The following ATP5MJ variants were observed in gnomAD, a reference collection of about 807,000 sequenced individuals.
The protein encoded by ATP5MJ is ATP synthase F(0) complex subunit j, mitochondrial.
ATP5MJ carries 4 observed loss-of-function variants against 8.3 expected under a neutral mutation model. The observed-to-expected ratio is 0.48, with a 90% CI of 0.24 to 1.11. The LOEUF (loss-of-function observed/expected upper bound fraction) is 1.11, where lower values mean the gene tolerates loss of function less well. ATP5MJ is among the 50% of genes least tolerant of loss of function. The pLI, the probability that ATP5MJ is intolerant of heterozygous loss-of-function variation, is 0.18. For missense variants in ATP5MJ, 66 were observed against 71.8 expected (o/e 0.92, Z 0.29); for synonymous variants, 23 against 21.3 (o/e 1.08, Z -0.23).
At chr14:103,913,584 C>G in intron 3 of ATP5MJ, 2 of 334,810 alleles carry the variant, frequency 6.0e-6, no homozygotes. Flanking sequence ...GCAGTCCAGC[C>G]TGGGCGACAG....
rs201065575 is a variant in ATP5MJ at position 103,915,089 on chromosome 14, A to G, written c.101T>C (p.Ile34Thr). The change falls in exon 2 of 4, where the codon ATC becomes ACC. Residue 34 changes from isoleucine (I) to threonine (T), a missense_variant. Transcript: ENST00000286953. ...ACCAGCAGCCCGGATTTTATAAACG[A>G]TGAAGCCCATCAGCCCCATTCCTAT... ...IWIGMGLMGF[I>T]VYKIRAADKR... The G allele has an allele frequency of 6.8e-5, 109 of 1,614,014 alleles. No individual in the cohort carries two copies. Among genetic ancestry groups the G allele is most frequent in the Admixed American group, 2.0e-4 (12 of 59,974 alleles).
chr14:103,914,537 C>T (rs371310123), intron 2 of ATP5MJ: 98 of 690,784 alleles, frequency 1.4e-4, no homozygotes, highest in South Asian at 1.3e-3. Context: ...TTGTGGCTCA[C>T]GCTTGTTAAT....
At position 103,919,578 on chromosome 14, in the gene ATP5MJ, A is replaced by C. The variant is rs549275019; in HGVS notation, c.-1+1892T>G. Among the ~76,000 whole-genome samples the C allele has an allele frequency of 2.0e-4, 31 of 152,202 alleles. No homozygotes were observed. The South Asian group carries it at 3.9e-3, about 19-fold the overall frequency. On this transcript the variant is annotated intron_variant, in intron 1 of 3. Transcript: ENST00000286953. ...GGTAAGATGAGGGTCTATAAGGAAAAGGGCAAAGTAAACTGGGAGGGTACA... is the reference window on the plus strand; with the variant it reads ...GGTAAGATGAGGGTCTATAAGGAAACGGGCAAAGTAAACTGGGAGGGTACA...
intron 3 of ATP5MJ, chr14:103,912,923 G>C: frequency 3.8e-6 from 2 of 523,054 alleles, no homozygotes; most frequent in Non-Finnish European, 3.4e-6. Context: ...AAAGAGAGAG[G>C]CAGGGAAACA....
chr14:103,915,601 G>C (rs1054668127), intron 1 of ATP5MJ, among the ~76,000 whole-genome samples: 1 of 151,868 alleles, frequency 6.6e-6, no homozygotes, highest in East Asian at 1.9e-4. Context: ...CCTTGCTTTG[G>C]CCTCCCAAAG....
chr14:103,920,909 T>C (rs1424796605), intron 1 of ATP5MJ: 2 of 1,501,480 alleles, frequency 1.3e-6, no homozygotes, highest in East Asian at 4.9e-5. Flanking sequence ...CTGCAAAGTT[T>C]TGGCACATTA....
At chr14:103,914,652 C>T in intron 2 of ATP5MJ, 3 of 503,934 alleles carry the variant, frequency 6.0e-6, no homozygotes, top group Non-Finnish European at 1.1e-5. Flanking sequence ...AAAAAAAGTA[C>T]AAAAAAAAAA....
chr14:103,914,845 A>AAAAAAAG (rs2087611146), intron 2 of ATP5MJ: 14 of 436,834 alleles, frequency 3.2e-5, no homozygotes, highest in Non-Finnish European at 3.9e-5. Context: ...TCCAAAAAAA[A>AAAAAAAG]AAAAAAAAAA....
Position 103,915,195 on chromosome 14 carries a change from A to T in ATP5MJ, c.1-6T>A. 6.2e-7 allele frequency: 1 copy of T among 1,610,294 alleles called. No individual in the cohort carries two copies. The highest frequency in any genetic ancestry group is 8.5e-7 in the Non-Finnish European group (1 of 1,178,182). ...TTAATAATACTTTGAAGCATCTGAA[A>T]ATGAACACAGTGATTAAAAATTAGA... On this transcript the variant is annotated splice_polypyrimidine_tract_variant and splice_region_variant and intron_variant, in intron 1 of 3. Coordinates refer to ENST00000286953, the MANE Select transcript of ATP5MJ (RefSeq NM_004894.3).
chr14:103,920,456 C>T (rs112091599), intron 1 of ATP5MJ, among the ~76,000 whole-genome samples: 3,321 of 142,660 alleles, frequency 0.023, 71 homozygotes, highest in East Asian at 0.066. Flanking sequence ...CATAATAAAA[C>T]GACAGCCCCT....
chr14:103,920,912 G>C lies in ATP5MJ; in HGVS notation c.-1+558C>G, dbSNP rs745942049. ...ATCCACTTAAGTCTGCAAAGTTTTG[G>C]CACATTACATTAAGGGCGAACTATT... On this transcript the variant is annotated intron_variant, in intron 1 of 3. Transcript: ENST00000286953. The C allele has an allele frequency of 1.2e-5, 18 of 1,510,526 alleles. No individual in the cohort carries two copies. The African/African-American group carries it at 1.8e-4, about 15-fold the overall frequency. The allele number at this position is 1,510,526 out of a possible 1,614,324, so 93.6% of individuals were successfully genotyped here.
At chr14:103,920,320 G>C (rs1319310153) in intron 1 of ATP5MJ, among the ~76,000 whole-genome samples, 1 of 142,244 alleles carries the variant, frequency 7.0e-6, no homozygotes, top group Non-Finnish European at 1.5e-5. Context: ...TTTTGGTAAA[G>C]ACGGGGTTTC....
chr14:103,912,734 G>A (rs373565314), intron 3 of ATP5MJ, 40 bp from the exon 4 acceptor site: 1 of 1,596,170 alleles, frequency 6.3e-7, no homozygotes. Context: ...ATTTAAGAAG[G>A]AAGGAACAAG....
intron 1 of ATP5MJ, among the ~76,000 whole-genome samples, chr14:103,918,763 C>T (rs1042021363): frequency 7.9e-5 from 12 of 152,060 alleles, no homozygotes; most frequent in African/African-American, 2.7e-4. Flanking sequence ...TAGCTCACGC[C>T]TGTAATTCCA....
chr14:103,914,294 C>T, intron 2 of ATP5MJ: 1 of 557,364 alleles, frequency 1.8e-6, no homozygotes, highest in Non-Finnish European at 3.2e-6. Flanking sequence ...CCACACTGCT[C>T]TGCTCTACTG....
rs141945436 is a variant in ATP5MJ, at chr14:103,921,467, C to A, written c.-1+3G>T. ...GGAGCCAGGTCCAGGTCCCCGTACT[C>A]ACCTTGGCGCAGGACAGACGGCTCA... On this transcript the variant is annotated splice_donor_region_variant and intron_variant, in intron 1 of 3. Transcript: ENST00000286953. The A allele has an allele frequency of 2.3e-3, 463 of 203,468 alleles. No individual in the cohort carries two copies. The highest frequency in any genetic ancestry group is 3.4e-3 in the Non-Finnish European group (334 of 96,924). 12.6% of individuals were successfully genotyped at this position (203,468 alleles called of 1,614,324 possible).
chr14:103,914,946 A>T, intron 2 of ATP5MJ, 120 bp downstream of exon 2: 1 of 1,273,654 alleles, frequency 7.9e-7, no homozygotes, highest in Non-Finnish European at 1.1e-6. Context: ...GAAGGACTGT[A>T]GGTAGCTCTA....
At chr14:103,920,769 C>T (rs1412582004) in intron 1 of ATP5MJ, among the ~76,000 whole-genome samples, 3 of 152,214 alleles carry the variant, frequency 2.0e-5, no homozygotes, top group Non-Finnish European at 4.4e-5. Context: ...CGCGCCCGGC[C>T]GGCCCCTTTC....
chr14:103,918,970 C>G (rs1483411508), intron 1 of ATP5MJ, among the ~76,000 whole-genome samples: 3 of 151,254 alleles, frequency 2.0e-5, no homozygotes, highest in Non-Finnish European at 4.4e-5. Context: ...TGCAGTGAGC[C>G]AAGATTGCAC....
Sources: allele counts gnomAD v4.1 joint callset (sites outside exome capture counted in the v4.1 genomes callset), GRCh38; gene constraint gnomAD v4.1.1; transcripts MANE v1.5; gene names NCBI Gene and HGNC (gene_info 2026-07-23, HGNC 2026-07-21).